Variants in MDFIC2 observed in about 807,000 individuals in gnomAD.
MDFIC2 encodes the protein myoD family inhibitor domain-containing protein 2.
chr3:70,206,830 T>C (rs1182751137), intron 2 of MDFIC2, 40 bp from the exon 3 acceptor site: 1 of 396,976 alleles, frequency 2.5e-6, no homozygotes, highest in Non-Finnish European at 4.4e-6. Context: ...AAACCCACTA[T>C]GGTTTACGTG....
At chr3:70,307,352 C>G (rs1046755082) in intron 2 of MDFIC2, among the ~76,000 whole-genome samples, 1 of 152,124 alleles carries the variant, frequency 6.6e-6, no homozygotes, top group Non-Finnish European at 1.5e-5. Context: ...TGATTTTAAA[C>G]TGCAAATGGC....
At chr3:70,277,010 A>C (rs1238223354) in intron 2 of MDFIC2, among the ~76,000 whole-genome samples, 1 of 152,152 alleles carries the variant, frequency 6.6e-6, no homozygotes, top group Non-Finnish European at 1.5e-5. Context: ...TCACACACAC[A>C]TAATTTTTAG....
At chr3:70,284,123 C>T (rs1310493422) in intron 2 of MDFIC2, among the ~76,000 whole-genome samples, 2 of 152,002 alleles carry the variant, frequency 1.3e-5, no homozygotes, top group African/African-American at 2.4e-5. Context: ...ACTGTTACAA[C>T]GTTCTAGTTA....
chr3:70,199,056 A>G (rs1024966274), intron 3 of MDFIC2, among the ~76,000 whole-genome samples: 1 of 152,182 alleles, frequency 6.6e-6, no homozygotes, highest in African/African-American at 2.4e-5. Flanking sequence ...CTCCAAGTGA[A>G]TACTCTGTGA....
intron 2 of MDFIC2, among the ~76,000 whole-genome samples, chr3:70,262,245 C>T (rs146742994): frequency 4.6e-5 from 7 of 152,210 alleles, no homozygotes; most frequent in East Asian, 1.9e-4. Context: ...ATACCAATAA[C>T]GTGAGACTGA....
At chr3:70,253,868 C>A (rs1000522610) in intron 2 of MDFIC2, among the ~76,000 whole-genome samples, 6 of 152,114 alleles carry the variant, frequency 3.9e-5, no homozygotes, top group East Asian at 3.8e-4. Context: ...GAAAAAAATT[C>A]TGTTCCTGGA....
intron 2 of MDFIC2, among the ~76,000 whole-genome samples, chr3:70,213,441 C>T (rs991299226): frequency 6.6e-6 from 1 of 152,042 alleles, no homozygotes; most frequent in Non-Finnish European, 1.5e-5. Flanking sequence ...AACGTATAGA[C>T]CATTTTTTAA....
chr3:70,239,727 A>G (rs1181186189), intron 2 of MDFIC2, among the ~76,000 whole-genome samples: 1 of 152,160 alleles, frequency 6.6e-6, no homozygotes, highest in Non-Finnish European at 1.5e-5. Context: ...GTGCTTCCCC[A>G]GAGCCCTGTA....
At chr3:70,244,905 A>G (rs1165899249) in intron 2 of MDFIC2, among the ~76,000 whole-genome samples, 2 of 152,226 alleles carry the variant, frequency 1.3e-5, no homozygotes, top group Non-Finnish European at 2.9e-5. Context: ...AAATTCATTC[A>G]TAAATAGTCT....
At chr3:70,307,661 C>G (rs1702415379) in intron 2 of MDFIC2, among the ~76,000 whole-genome samples, 1 of 152,116 alleles carries the variant, frequency 6.6e-6, no homozygotes, top group Non-Finnish European at 1.5e-5. Flanking sequence ...GTCACCACCC[C>G]CTTCCCTTAA....
At chr3:70,268,230 G>C (rs1001259949) in intron 2 of MDFIC2, among the ~76,000 whole-genome samples, 19 of 152,086 alleles carry the variant, frequency 1.2e-4, no homozygotes, top group Admixed American at 8.5e-4. Context: ...CAGCACTTTG[G>C]GGGGCCAAGG....
chr3:70,215,557 C>A (rs1701400818), intron 2 of MDFIC2, among the ~76,000 whole-genome samples: 2 of 152,108 alleles, frequency 1.3e-5, no homozygotes, highest in Admixed American at 6.6e-5. Context: ...CTTCCTACAA[C>A]TGTCCCCTGC....
chr3:70,284,399 T>C (rs1461981674), intron 2 of MDFIC2, among the ~76,000 whole-genome samples: 1 of 152,098 alleles, frequency 6.6e-6, no homozygotes, highest in Non-Finnish European at 1.5e-5. Flanking sequence ...TTAAACTTTC[T>C]AAAAACAAAA....
chr3:70,274,863 G>A (rs1360748790), intron 2 of MDFIC2, among the ~76,000 whole-genome samples: 3 of 152,106 alleles, frequency 2.0e-5, no homozygotes, highest in South Asian at 2.1e-4. Flanking sequence ...AAACCCAAAT[G>A]TCCTACTATT....
At chr3:70,210,076 C>G (rs1216329840) in intron 2 of MDFIC2, among the ~76,000 whole-genome samples, 4 of 151,938 alleles carry the variant, frequency 2.6e-5, no homozygotes, top group Admixed American at 2.6e-4. Context: ...TGCTTTTGCA[C>G]AAAGTAATTC....
chr3:70,271,636 A>T (rs6549321), intron 2 of MDFIC2: 126,988 of 152,216 alleles, frequency 0.83, 53,291 homozygotes, highest in Non-Finnish European at 0.88. Context: ...CCCAGCTAAG[A>T]AACTGACTCA....
intron 2 of MDFIC2, among the ~76,000 whole-genome samples, chr3:70,307,019 A>G (rs2106706506): frequency 6.6e-6 from 1 of 152,296 alleles, no homozygotes; most frequent in Non-Finnish European, 1.5e-5. Context: ...AGAGAGATAG[A>G]GAGAAAATCT....
chr3:70,267,987 C>G (rs1243439994), intron 2 of MDFIC2, among the ~76,000 whole-genome samples: 1 of 151,394 alleles, frequency 6.6e-6, no homozygotes, highest in Non-Finnish European at 1.5e-5. Context: ...TTTCGCCTCC[C>G]CTTTCACCTC....
chr3:70,215,294 T>C (rs1037906553), intron 2 of MDFIC2, among the ~76,000 whole-genome samples: 2 of 152,160 alleles, frequency 1.3e-5, no homozygotes, highest in South Asian at 2.1e-4. Flanking sequence ...TGAACTTACG[T>C]CTTCTAATTC....
Sources: gnomAD v4.1 joint callset for allele counts (sites outside exome capture counted in the v4.1 genomes callset) on GRCh38, gnomAD v4.1.1 for gene constraint, MANE v1.5 for transcripts, NCBI Gene and HGNC (gene_info 2026-07-23, HGNC 2026-07-21) for gene names.